SRSF11: variants seen among roughly 807,000 people sequenced by gnomAD.
The protein encoded by SRSF11 is serine and arginine rich splicing factor 11, also known as serine/arginine-rich splicing factor 11.
A neutral mutation model predicts 56.0 loss-of-function variants in SRSF11; 9 were observed. The observed-to-expected ratio is 0.16, with a 90% CI of 0.10 to 0.28. SRSF11 has a LOEUF of 0.28. Among genes scored for constraint, SRSF11 ranks in the 10% least tolerant of loss-of-function variants. The pLI is 1.00. For synonymous variants in SRSF11, 222 were observed against 215.3 expected (o/e 1.03, Z -0.27); for missense variants, 421 against 600.7 (o/e 0.70, Z 3.13).
At chr1:70,209,009 T>C (rs942507554) in intron 1 of SRSF11, among the ~76,000 whole-genome samples, 2 of 152,226 alleles carry the variant, frequency 1.3e-5, no homozygotes, top group Admixed American at 6.5e-5. Context: ...TGGAATTGTC[T>C]AGCCAGAATT....
chr1:70,221,872 A>C (rs1001213939), intron 1 of SRSF11, 33 bp downstream of exon 1: 1 of 1,612,000 alleles, frequency 6.2e-7, no homozygotes, highest in Non-Finnish European at 8.5e-7. Flanking sequence ...GTTCCTGCTA[A>C]CGCCGCCTCA....
chr1:70,236,311 TTTTC>T (rs906469382), intron 5 of SRSF11, among the ~76,000 whole-genome samples: 31 of 151,916 alleles, frequency 2.0e-4, no homozygotes, highest in Middle Eastern at 3.4e-3. Flanking sequence ...TATAATTTTT[TTTTC>T]TTTCTTCTTT....
intron 2 of SRSF11, chr1:70,228,839 T>C: frequency 1.8e-6 from 2 of 1,089,694 alleles, no homozygotes; most frequent in South Asian, 3.2e-5. Flanking sequence ...ATCTACTTAG[T>C]TAATTTAATG....
intron 7 of SRSF11, among the ~76,000 whole-genome samples, chr1:70,240,751 A>G (rs1675175055): frequency 6.8e-6 from 1 of 146,156 alleles, no homozygotes; most frequent in Non-Finnish European, 1.5e-5. Context: ...TTCACTTTAC[A>G]TACCCCTCCA....
chr1:70,243,369 A>C (rs1021047133), intron 7 of SRSF11, among the ~76,000 whole-genome samples: 12 of 141,078 alleles, frequency 8.5e-5, no homozygotes, highest in African/African-American at 1.6e-4. Flanking sequence ...AAAAAAAAAA[A>C]AAAACACAGT....
Position 70,252,280 on chromosome 1 carries a change from T to C in SRSF11, c.*1475T>C, listed in dbSNP as rs1456829226. 1 of 152,118 alleles carries C rather than the reference T, an allele frequency of 6.6e-6. No individual in the cohort carries two copies. Among genetic ancestry groups the C allele is most frequent in the Non-Finnish European group, 1.5e-5 (1 of 67,982 alleles). The allele number at this position is 152,118 out of a possible 1,614,324, so 9.4% of individuals were successfully genotyped here. On this transcript the variant is annotated 3_prime_UTR_variant, in exon 12 of 12. Coordinates refer to ENST00000370949, the MANE Select transcript of SRSF11 (RefSeq NM_001350605.2). ...AGCAATGAACTTTAGTATAAACAAA[T>C]CCCACCTATATCTAGCAAATTTATA...
At chr1:70,241,678 T>C (rs1571879675) in intron 7 of SRSF11, among the ~76,000 whole-genome samples, 1 of 152,238 alleles carries the variant, frequency 6.6e-6, no homozygotes, top group East Asian at 1.9e-4. Context: ...TTTCTGCTCA[T>C]GATCCTTTCT....
chr1:70,229,009 A>AC, intron 2 of SRSF11: 3 of 984,784 alleles, frequency 3.0e-6, no homozygotes, highest in Non-Finnish European at 3.6e-6. Context: ...AAAAAAAAAA[A>AC]ACACATTGAA....
At chr1:70,247,604 C>G (rs1001821738) in intron 9 of SRSF11, among the ~76,000 whole-genome samples, 2 of 151,928 alleles carry the variant, frequency 1.3e-5, no homozygotes. Context: ...ACTATAAAAC[C>G]TTTAGAAAGA....
In SRSF11 at chr1:70,242,981, G is replaced by C. The variant is rs957448740; in HGVS notation, c.801-1703G>C. ...TAGGATGTGGAGATGTTATTGCAAG[G>C]AATTGTTTAGTAAATAGTTTCAAAT... On this transcript the variant is annotated intron_variant, in intron 7 of 11. Transcript: ENST00000370949. 1.3e-5 allele frequency among the ~76,000 whole-genome samples: 2 copies of C among 152,008 alleles called. 1 individual carries two copies. Among genetic ancestry groups the C allele is most frequent in the Admixed American group, 1.3e-4 (2 of 15,270 alleles).
At chr1:70,213,395 T>C (rs1669740572) in intron 1 of SRSF11, among the ~76,000 whole-genome samples, 1 of 152,232 alleles carries the variant, frequency 6.6e-6, no homozygotes, top group African/African-American at 2.4e-5. Context: ...ATTTTTAACA[T>C]TCCACAAAAA....
intron 8 of SRSF11, among the ~76,000 whole-genome samples, chr1:70,245,797 C>G (rs1030900708): frequency 6.6e-6 from 1 of 152,264 alleles, no homozygotes; most frequent in Middle Eastern, 3.4e-3. Context: ...GTTGTTCACA[C>G]TATGCACTTG....
intron 1 of SRSF11, among the ~76,000 whole-genome samples, chr1:70,210,625 G>A (rs1460243028): frequency 6.6e-6 from 1 of 152,198 alleles, no homozygotes; most frequent in Non-Finnish European, 1.5e-5. Context: ...TGAGGTAGGA[G>A]GATGGCTTGA....
chr1:70,243,385 G>A (rs74088032), intron 7 of SRSF11, among the ~76,000 whole-genome samples: 16,151 of 142,042 alleles, frequency 0.11, 1,148 homozygotes, highest in East Asian at 0.3. Context: ...ACAGTGTGTA[G>A]GTGGAACCAT....
chr1:70,237,912 A>G (rs769186327), intron 6 of SRSF11, among the ~76,000 whole-genome samples: 11 of 152,090 alleles, frequency 7.2e-5, no homozygotes, highest in Non-Finnish European at 1.3e-4. Flanking sequence ...CCTAATTTTA[A>G]TTTTTTTCAT....
intron 7 of SRSF11, among the ~76,000 whole-genome samples, chr1:70,242,376 C>A (rs1471709203): frequency 6.6e-6 from 1 of 151,878 alleles, no homozygotes; most frequent in Non-Finnish European, 1.5e-5. Flanking sequence ...CCCCCACACC[C>A]CACACCCCCA....
intron 8 of SRSF11, among the ~76,000 whole-genome samples, chr1:70,246,262 T>TA (rs34375598): frequency 0.082 from 11,970 of 145,800 alleles, 683 homozygotes; most frequent in East Asian, 0.3. Context: ...TAGGAATCTG[T>TA]AAAAAAAAAA....
chr1:70,221,711 TGGCGGCGGAGGCGGC>T lies in SRSF11; in HGVS notation c.79_93del (p.Gly27_Gly31del). ...GCGGGCCCGGTGGCGGAGGTGGTGG[TGGCGGCGGAGGCGGC>T]GGCACCGAGGTAATCCAGGTGACTA... On this transcript the variant is annotated inframe_deletion, in exon 1 of 12. Transcript: ENST00000370949. 6.2e-7 allele frequency: 1 copy of T among 1,612,770 alleles called. No homozygotes were observed. The highest frequency in any genetic ancestry group is 1.7e-5 in the Admixed American group (1 of 59,936).
intron 1 of SRSF11, among the ~76,000 whole-genome samples, chr1:70,225,407 G>C (rs1671546329): frequency 6.6e-6 from 1 of 152,174 alleles, no homozygotes; most frequent in Non-Finnish European, 1.5e-5. Flanking sequence ...CATGAGGTCA[G>C]CAGTCAAGTT....
Sources: allele counts gnomAD v4.1 joint callset (sites outside exome capture counted in the v4.1 genomes callset), GRCh38; gene constraint gnomAD v4.1.1; transcripts MANE v1.5; gene names NCBI Gene and HGNC (gene_info 2026-07-23, HGNC 2026-07-21).